The following CDK2 variants were observed in gnomAD, a reference collection of about 807,000 sequenced individuals.
CDK2 encodes cyclin-dependent kinase 2.
CDK2 carries 8 observed loss-of-function variants against 35.0 expected under a neutral mutation model. That is an observed-to-expected ratio of 0.23 (90% confidence interval 0.13 to 0.41). CDK2 has a LOEUF of 0.41. Ranked by LOEUF, CDK2 falls within the 10% of genes least tolerant of loss-of-function variation. The pLI, the probability that CDK2 is intolerant of heterozygous loss-of-function variation, is 1.00. For synonymous variants in CDK2, 134 were observed against 137.7 expected, an observed-to-expected ratio of 0.97 and a Z score of 0.19; for missense variants, 201 against 367.1, an observed-to-expected ratio of 0.55 and a Z score of 3.70.
rs1400507515 is a variant in CDK2, at chr12:55,971,617, C to T, written c.889C>T (p.Arg297Ter). 1.2e-6 allele frequency: 2 copies of T among 1,611,404 alleles called. No individual in the cohort carries two copies. The highest frequency in any genetic ancestry group is 8.5e-7 in the Non-Finnish European group (1 of 1,177,474). Reference sequence around the variant, plus strand: ...TGTGACCAAGCCAGTACCCCATCTTCGACTCTGATAGCCTTCTTGAAGCCC... The same window carrying T: ...TGTGACCAAGCCAGTACCCCATCTTTGACTCTGATAGCCTTCTTGAAGCCC... ...QDVTKPVPHLRL is the reference protein window; with the variant it reads ...QDVTKPVPHL Residue 297 changes from arginine (R) to a stop codon, truncating the protein, a stop_gained, in exon 7 of 7, where the codon CGA becomes TGA. Transcript: ENST00000266970. LOFTEE classifies it high-confidence loss of function.
chr12:55,967,809 G>C, intron 1 of CDK2, 48 bp from the exon 2 acceptor site: 2 of 1,485,404 alleles, frequency 1.3e-6, no homozygotes, highest in Non-Finnish European at 1.9e-6. Context: ...GGGGGGAAAG[G>C]AATATTTGTA....
intron 1 of CDK2, chr12:55,967,570 TG>T: frequency 1.0e-5 from 5 of 487,180 alleles, no homozygotes; most frequent in Non-Finnish European, 1.1e-5. Context: ...CTGGGGAGGC[TG>T]GGGGCTACTC....
intron 1 of CDK2, 58 bp from the exon 2 acceptor site, chr12:55,967,799 G>C (rs1289651433): frequency 4.3e-6 from 6 of 1,409,956 alleles, no homozygotes; most frequent in African/African-American, 2.8e-5. Context: ...TGACTAGGTG[G>C]GGGGGAAAGG....
Position 55,968,859 on chromosome 12 carries a change from C to T in CDK2, c.397C>T (p.Leu133=). The T allele has an allele frequency of 1.2e-6, 2 of 1,613,196 alleles. No homozygotes were observed. Among genetic ancestry groups the T allele is most frequent in the Non-Finnish European group, 1.7e-6 (2 of 1,179,648 alleles). ...VLHRDLKPQN[L]LINTEGAIKL... ...CCACCGAGACCTTAAACCTCAGAAT[C>T]TGCTTATTAACACAGAGGGGGCCAT... The change falls in exon 4 of 7, where the codon CTG becomes TTG. Residue 133 remains leucine, a synonymous_variant. Coordinates refer to ENST00000266970, the MANE Select transcript of CDK2 (RefSeq NM_001798.5).
intron 2 of CDK2, 39 bp from the exon 3 acceptor site, chr12:55,968,010 T>G (rs764103884): frequency 1.2e-6 from 2 of 1,613,834 alleles, no homozygotes; most frequent in Non-Finnish European, 1.7e-6. Flanking sequence ...CATTTCTCTC[T>G]CTCACACACC....
At position 55,971,057 on chromosome 12, in the gene CDK2, C is replaced by A; in HGVS notation, c.602C>A (p.Ala201Asp). 1 of 1,614,050 alleles carries A rather than the reference C, an allele frequency of 6.2e-7. No homozygotes were observed. The highest frequency in any genetic ancestry group is 8.5e-7 in the Non-Finnish European group (1 of 1,179,946). The change falls in exon 6 of 7, where the codon GCC (alanine) becomes GAC (aspartate). Residue 201 changes from alanine (A) to aspartate (D), a missense_variant. Physicochemically the swap from Ala to Asp is moderately radical, Grantham distance 126. Coordinates refer to ENST00000266970, the MANE Select transcript of CDK2 (RefSeq NM_001798.5). Reference sequence around the variant, plus strand: ...CCCCATTTTCAGGTGACTCGCCGGGCCCTATTCCCTGGAGATTCTGAGATT... The same window carrying A: ...CCCCATTTTCAGGTGACTCGCCGGGACCTATTCCCTGGAGATTCTGAGATT... ...CIFAEMVTRR[A>D]LFPGDSEIDQ...
rs780953386 is a variant in CDK2 at position 55,967,911 on chromosome 12, G to A, written c.171G>A (p.Glu57=). 2.5e-6 allele frequency: 4 copies of A among 1,614,078 alleles called. No individual in the cohort carries two copies. In the South Asian group the frequency reaches 4.4e-5, roughly 18 times the overall value. Residue 57 remains glutamate, a synonymous_variant, in exon 2 of 7, where the codon GAG becomes GAA. Transcript: ENST00000266970. ...TAIREISLLK[E]LNHPNIVKLL... ...TCCGAGAGATCTCTCTGCTTAAGGA[G>A]CTTAACCATCCTAATATTGTCAAGT...
At chr12:55,968,273 C>T in intron 3 of CDK2, 104 bp downstream of exon 3, 1 of 1,144,444 alleles carries the variant, frequency 8.7e-7, no homozygotes, top group Non-Finnish European at 1.3e-6. Context: ...TCTGAGCCCT[C>T]ATCTCCTATA....
Position 55,968,167 on chromosome 12 carries a change from A to G in CDK2, c.313A>G (p.Lys105Glu). ...ALTGIPLPLI[K>E]SYLFQLLQGL... ...CACTGGCATTCCTCTTCCCCTCATC[A>G]AGGTAATGCTTCTCATCAGCTCCTC... The change falls in exon 3 of 7, where the codon AAG becomes GAG. Residue 105 changes from lysine to glutamate, a missense_variant and splice_region_variant. Lys to Glu is a moderately conservative substitution (Grantham distance 56, BLOSUM62 1). Coordinates refer to ENST00000266970, the MANE Select transcript of CDK2 (RefSeq NM_001798.5). The G allele has an allele frequency of 6.2e-7, 1 of 1,613,966 alleles. No homozygotes were observed. The highest frequency in any genetic ancestry group is 8.5e-7 in the Non-Finnish European group (1 of 1,179,948).
chr12:55,969,438 A>G lies in CDK2; in HGVS notation c.487-37A>G, dbSNP rs73123218. 6.7e-3 allele frequency: 8,240 copies of G among 1,237,992 alleles called. 61 individuals carry two copies. The highest frequency in any genetic ancestry group is 0.012 in the South Asian group (941 of 79,090). The allele number at this position is 1,237,992 out of a possible 1,614,324, so 76.7% of individuals were successfully genotyped here. On this transcript the variant is annotated intron_variant, in intron 4 of 6. Transcript: ENST00000266970. ...TGAGATGCGGGAATTTCCATACCCT[A>G]TAAACCACCCCGCCCCTCCCTATTC...
intron 1 of CDK2, 157 bp from the exon 2 acceptor site, chr12:55,967,700 A>T (rs1889365460): frequency 1.6e-6 from 1 of 640,970 alleles, no homozygotes; most frequent in African/African-American, 1.8e-5. Flanking sequence ...CCACACCCTG[A>T]CTACCCAAGA....
Position 55,971,059 on chromosome 12 carries a change from C to G in CDK2, c.604C>G (p.Leu202Val). ...CCATTTTCAGGTGACTCGCCGGGCCCTATTCCCTGGAGATTCTGAGATTGA... is the reference window on the plus strand; with the variant it reads ...CCATTTTCAGGTGACTCGCCGGGCCGTATTCCCTGGAGATTCTGAGATTGA... ...IFAEMVTRRA[L>V]FPGDSEIDQL... The change falls in exon 6 of 7, where the codon CTA becomes GTA. Residue 202 changes from leucine (L) to valine (V), a missense_variant. Leu to Val is a conservative substitution (Grantham distance 32, BLOSUM62 1). This residue lies in a region of CDK2 where 106 missense variants were observed against 141.3 expected (regional missense o/e 0.75). Coordinates refer to ENST00000266970, the MANE Select transcript of CDK2 (RefSeq NM_001798.5). 6.2e-7 allele frequency: 1 copy of G among 1,614,128 alleles called. No individual in the cohort carries two copies. Among genetic ancestry groups the G allele is most frequent in the Non-Finnish European group, 8.5e-7 (1 of 1,179,994 alleles).
rs187996196 is a variant in CDK2, at chr12:55,972,096, T to C, written c.*471T>C. On this transcript the variant is annotated 3_prime_UTR_variant, in exon 7 of 7. Coordinates refer to ENST00000266970, the MANE Select transcript of CDK2 (RefSeq NM_001798.5). ...TAAAACAAAACCACTGGGAGGAGTC[T>C]ATTTTAAAGAATTCGGTTGAAAAAA... is the stretch of plus-strand genomic sequence containing the variant. The C allele has an allele frequency of 6.4e-6, 1 of 156,734 alleles. No individual in the cohort carries two copies. Among genetic ancestry groups the C allele is most frequent in the Admixed American group, 6.4e-5 (1 of 15,654 alleles). 9.7% of individuals were successfully genotyped at this position (156,734 alleles called of 1,614,324 possible).
In CDK2 at chr12:55,971,241, G is replaced by A. The variant is rs772548749; in HGVS notation, c.786G>A (p.Leu262=). The change falls in exon 6 of 7, where the codon TTG becomes TTA. Residue 262 remains leucine, a synonymous_variant. Coordinates refer to ENST00000266970, the MANE Select transcript of CDK2 (RefSeq NM_001798.5). ...VPPLDEDGRS[L]LSQMLHYDPN... ...CCCTGGATGAAGATGGACGGAGCTTGTTATCGGTGAGAGTGGGCACCTGTT... is the reference window on the plus strand; with the variant it reads ...CCCTGGATGAAGATGGACGGAGCTTATTATCGGTGAGAGTGGGCACCTGTT... 6.2e-7 allele frequency: 1 copy of A among 1,614,028 alleles called. No homozygotes were observed. The highest frequency in any genetic ancestry group is 8.5e-7 in the Non-Finnish European group (1 of 1,179,916).
chr12:55,968,979 C>T lies in CDK2; in HGVS notation c.486+31C>T, dbSNP rs751149140. ...TCCCTTTATGTCTTTTTTCTCTGAGCTTCCCAAGAGGTGTTAACTAGGGTA... is the reference window on the plus strand; with the variant it reads ...TCCCTTTATGTCTTTTTTCTCTGAGTTTCCCAAGAGGTGTTAACTAGGGTA... On this transcript the variant is annotated intron_variant, in intron 4 of 6. Coordinates refer to ENST00000266970, the MANE Select transcript of CDK2 (RefSeq NM_001798.5). The T allele has an allele frequency of 4.6e-6, 7 of 1,515,006 alleles. No homozygotes were observed. The Admixed American group carries it at 6.6e-5, about 14-fold the overall frequency. The allele number at this position is 1,515,006 out of a possible 1,614,324, so 93.8% of individuals were successfully genotyped here. A position where few individuals can be genotyped will look rare whatever the true frequency, so the allele number is the denominator to read the frequency against.
intron 3 of CDK2, 74 bp downstream of exon 3, chr12:55,968,243 T>C: frequency 5.1e-6 from 8 of 1,571,064 alleles, no homozygotes; most frequent in Non-Finnish European, 7.0e-6. Flanking sequence ...CAGGGTGATA[T>C]TTTATGATTT....
intron 5 of CDK2, 56 bp downstream of exon 5, chr12:55,969,632 AG>A (rs1462448611): frequency 1.1e-6 from 1 of 935,852 alleles, no homozygotes. Flanking sequence ...CCCACATCCA[AG>A]AACAACAGAA....
chr12:55,966,944 C>A lies in CDK2; in HGVS notation c.-65C>A. ...CTCCTCGGCCCCCGAGAGCCAGGGT[C>A]CGCCTTCTGCAGGGTTCCCAGGCCC... is the stretch of plus-strand genomic sequence containing the variant. On this transcript the variant is annotated 5_prime_UTR_variant, in exon 1 of 7. Coordinates refer to ENST00000266970, the MANE Select transcript of CDK2 (RefSeq NM_001798.5). The A allele has an allele frequency of 7.6e-7, 1 of 1,321,304 alleles. No homozygotes were observed. Among genetic ancestry groups the A allele is most frequent in the South Asian group, 1.2e-5 (1 of 80,772 alleles). The allele number at this position is 1,321,304 out of a possible 1,614,324, so 81.8% of individuals were successfully genotyped here. A position where few individuals can be genotyped will look rare whatever the true frequency, so the allele number is the denominator to read the frequency against.
intron 4 of CDK2, 98 bp downstream of exon 4, chr12:55,969,046 T>C (rs1889410149): frequency 5.6e-6 from 5 of 893,612 alleles, no homozygotes; most frequent in African/African-American, 5.1e-5. Flanking sequence ...AGTTTCTTAC[T>C]AGGTAGAAAT....
Sources: gnomAD v4.1 joint callset for allele counts on GRCh38, gnomAD v4.1.1 for gene constraint, gnomAD v4.1.1 regional missense constraint, MANE v1.5 for transcripts, NCBI Gene and HGNC (gene_info 2026-07-23, HGNC 2026-07-21) for gene names.